DOCK5: variants seen among roughly 807,000 people sequenced by gnomAD.
DOCK5 encodes the protein dedicator of cytokinesis protein 5.
A neutral mutation model predicts 251.8 loss-of-function variants in DOCK5; 142 were observed. That is an observed-to-expected ratio of 0.56 (90% CI 0.49 to 0.65). DOCK5 has a LOEUF of 0.65. Among genes scored for constraint, DOCK5 ranks in the 30% least tolerant of loss-of-function variants. DOCK5 has a pLI of 0.00. For missense variants in DOCK5, 2,111 were observed against 2,312.3 expected (o/e 0.91, Z 1.79); for synonymous variants, 842 against 835.5 (o/e 1.01, Z -0.13).
intron 26 of DOCK5, among the ~76,000 whole-genome samples, chr8:25,346,072 G>T (rs1394227198): frequency 6.6e-6 from 1 of 152,038 alleles, no homozygotes; most frequent in Non-Finnish European, 1.5e-5. Context: ...GGATAGTCTC[G>T]ATCTCCTGAC....
At chr8:25,234,057 G>A (rs1489365471) in intron 1 of DOCK5, among the ~76,000 whole-genome samples, 1 of 152,222 alleles carries the variant, frequency 6.6e-6, no homozygotes. Flanking sequence ...CCTCAGACTG[G>A]CCCAGGGCCG....
chr8:25,206,023 T>G (rs1801991839), intron 1 of DOCK5, among the ~76,000 whole-genome samples: 1 of 152,022 alleles, frequency 6.6e-6, no homozygotes, highest in South Asian at 2.1e-4. Flanking sequence ...GCAAAAAAAG[T>G]CCAGTTGGGG....
chr8:25,304,209 G>A (rs1804840994), intron 10 of DOCK5, 46 bp from the exon 11 acceptor site: 1 of 1,485,974 alleles, frequency 6.7e-7, no homozygotes, highest in Middle Eastern at 1.7e-4. Flanking sequence ...AACTTACTGA[G>A]GCATGAAGCA....
Position 25,413,536 on chromosome 8 carries a change from G to C in DOCK5, c.*2238G>C, listed in dbSNP as rs1437502094. The C allele has an allele frequency of 6.6e-6, 1 of 152,170 alleles. No homozygotes were observed. The highest frequency in any genetic ancestry group is 1.5e-5 in the Non-Finnish European group (1 of 68,032). The allele number at this position is 152,170 out of a possible 1,614,324, so 9.4% of individuals were successfully genotyped here. On this transcript the variant is annotated 3_prime_UTR_variant, in exon 52 of 52. Transcript: ENST00000276440. ...AAGTCACCCAGCAGACCGGCTAGAGGGGATTTGTGTGCCACACTCTACTTG... is the reference window on the plus strand; with the variant it reads ...AAGTCACCCAGCAGACCGGCTAGAGCGGATTTGTGTGCCACACTCTACTTG...
At chr8:25,248,745 G>A (rs1359902636) in intron 2 of DOCK5, among the ~76,000 whole-genome samples, 1 of 152,138 alleles carries the variant, frequency 6.6e-6, no homozygotes, top group Non-Finnish European at 1.5e-5. Context: ...TTCATCTGCA[G>A]AGCCTGTGCC....
At chr8:25,404,935 T>A (rs954710160) in intron 48 of DOCK5, among the ~76,000 whole-genome samples, 2 of 152,212 alleles carry the variant, frequency 1.3e-5, no homozygotes, top group Non-Finnish European at 2.9e-5. Flanking sequence ...AAATATTTTC[T>A]TGTATACTTT....
chr8:25,353,338 T>C (rs1275134074), intron 27 of DOCK5, among the ~76,000 whole-genome samples: 1 of 152,038 alleles, frequency 6.6e-6, no homozygotes, highest in Non-Finnish European at 1.5e-5. Context: ...AGACCCTGTT[T>C]CAAAATATAA....
intron 42 of DOCK5, 140 bp downstream of exon 42, chr8:25,390,427 T>C: frequency 1.5e-6 from 1 of 679,696 alleles, no homozygotes; most frequent in South Asian, 2.0e-5. Flanking sequence ...GGCAACAAAG[T>C]GGGATGCTGT....
intron 2 of DOCK5, among the ~76,000 whole-genome samples, chr8:25,246,830 T>G (rs2117553581): frequency 1.3e-5 from 2 of 151,454 alleles, no homozygotes; most frequent in Non-Finnish European, 2.9e-5. Flanking sequence ...TCCTACAGAG[T>G]GTGGGAGGGA....
chr8:25,215,757 T>C (rs1465618922), intron 1 of DOCK5, among the ~76,000 whole-genome samples: 2 of 152,130 alleles, frequency 1.3e-5, no homozygotes, highest in South Asian at 4.1e-4. Context: ...TGTTCTGTTT[T>C]TAATGAATAT....
intron 1 of DOCK5, among the ~76,000 whole-genome samples, chr8:25,223,379 A>G (rs2117503417): frequency 6.6e-6 from 1 of 152,300 alleles, no homozygotes; most frequent in South Asian, 2.1e-4. Flanking sequence ...AAGTGGCACA[A>G]TCACAGCTCA....
intron 2 of DOCK5, among the ~76,000 whole-genome samples, chr8:25,246,202 G>A (rs1803102376): frequency 6.6e-6 from 1 of 152,086 alleles, no homozygotes; most frequent in African/African-American, 2.4e-5. Context: ...TGTCCTCCTG[G>A]CTCCACAAGG....
chr8:25,241,311 C>T (rs977738884), intron 1 of DOCK5, among the ~76,000 whole-genome samples: 4 of 152,010 alleles, frequency 2.6e-5, no homozygotes, highest in African/African-American at 4.8e-5. Context: ...CCCATCTCTA[C>T]TAAAAACACA....
chr8:25,345,691 C>T, intron 26 of DOCK5, 80 bp downstream of exon 26: 1 of 1,561,378 alleles, frequency 6.4e-7, no homozygotes, highest in South Asian at 1.2e-5. Flanking sequence ...CGTGGCCTTC[C>T]TATTCTCAGG....
In DOCK5 at chr8:25,368,584, C is replaced by G. The variant is rs778495216; in HGVS notation, c.3297C>G (p.Ile1099Met). The stretch of plus-strand genomic sequence containing the variant: ...CTTTCATTTCAGGTCCCCACAAAAT[C>G]AAATTCATCCCATCCATGGTGGGTC... ...DMWYNLGPHKIKFIPSMVGPI... is the reference protein window; with the variant it reads ...DMWYNLGPHKMKFIPSMVGPI... Residue 1099 changes from isoleucine to methionine, a missense_variant, in exon 33 of 52, where the codon ATC (isoleucine) becomes ATG (methionine). Coordinates refer to ENST00000276440, the MANE Select transcript of DOCK5 (RefSeq NM_024940.8). 91 of 1,597,616 alleles carry G rather than the reference C, an allele frequency of 5.7e-5. No homozygotes were observed. Among genetic ancestry groups the G allele is most frequent in the Non-Finnish European group, 7.1e-5 (83 of 1,173,838 alleles).
chr8:25,345,365 T>C (rs1320542477), intron 25 of DOCK5, 110 bp from the exon 26 acceptor site: 8 of 1,487,854 alleles, frequency 5.4e-6, no homozygotes, highest in Non-Finnish European at 7.3e-6. Flanking sequence ...GCAGGGCTGA[T>C]TGCAGAGCTT....
intron 5 of DOCK5, among the ~76,000 whole-genome samples, chr8:25,288,945 C>T (rs1288639591): frequency 6.6e-6 from 1 of 152,200 alleles, no homozygotes; most frequent in Admixed American, 6.5e-5. Flanking sequence ...AAATTTTAAA[C>T]AGGCTTTGCC....
chr8:25,373,515 GA>G, intron 35 of DOCK5, 102 bp from the exon 36 acceptor site: 8 of 1,119,416 alleles, frequency 7.1e-6, no homozygotes, highest in Non-Finnish European at 9.1e-6. Flanking sequence ...GATCTCTTTG[GA>G]AAAGTGAAAC....
chr8:25,248,612 T>A (rs940105354), intron 2 of DOCK5, among the ~76,000 whole-genome samples: 1 of 152,060 alleles, frequency 6.6e-6, no homozygotes, highest in African/African-American at 2.4e-5. Context: ...CATGAAACAT[T>A]TTTTCTGCCC....
Sources: gnomAD v4.1 joint callset for allele counts (sites outside exome capture counted in the v4.1 genomes callset) on GRCh38, gnomAD v4.1.1 for gene constraint, MANE v1.5 for transcripts, NCBI Gene and HGNC (gene_info 2026-07-23, HGNC 2026-07-21) for gene names.